The following PIP5K1B variants were observed in gnomAD, a reference collection of about 807,000 sequenced individuals.
PIP5K1B encodes phosphatidylinositol-4-phosphate 5-kinase type 1 beta.
Under a neutral mutation model 67.0 loss-of-function variants are expected in PIP5K1B, and 42 were observed. That is an observed-to-expected ratio of 0.63 (90% CI 0.49 to 0.81). The LOEUF is 0.81. Among genes scored for constraint, PIP5K1B ranks in the 30% least tolerant of loss-of-function variants. PIP5K1B has a pLI of 0.00. For synonymous variants in PIP5K1B, 214 were observed against 231.4 expected, an observed-to-expected ratio of 0.92 and a Z score of 0.68; for missense variants, 459 against 646.3, an observed-to-expected ratio of 0.71 and a Z score of 3.14.
intron 2 of PIP5K1B, among the ~76,000 whole-genome samples, chr9:68,767,927 TAA>T (rs1026280665): frequency 9.2e-5 from 14 of 152,160 alleles, no homozygotes; most frequent in South Asian, 6.2e-4. Flanking sequence ...AATAAAATTA[TAA>T]GTTTATAGTA....
At chr9:68,913,712 G>A (rs532634213) in intron 8 of PIP5K1B, among the ~76,000 whole-genome samples, 70 of 152,068 alleles carry the variant, frequency 4.6e-4, no homozygotes, top group African/African-American at 1.6e-3. Flanking sequence ...CTTTTTTTAA[G>A]CCTTCCACAC....
chr9:68,962,819 A>T (rs75064161), intron 14 of PIP5K1B, among the ~76,000 whole-genome samples: 2,853 of 152,320 alleles, frequency 0.019, 81 homozygotes, highest in African/African-American at 0.065. Context: ...CATAGTTAAC[A>T]GCACAATTGT....
At chr9:68,809,470 T>C (rs1014913102) in intron 2 of PIP5K1B, among the ~76,000 whole-genome samples, 7 of 152,160 alleles carry the variant, frequency 4.6e-5, no homozygotes. Context: ...TTCCACACAT[T>C]TGTTTTTTAT....
At chr9:68,995,214 A>G (rs1397477927) in intron 15 of PIP5K1B, among the ~76,000 whole-genome samples, 23 of 133,136 alleles carry the variant, frequency 1.7e-4, no homozygotes, top group Admixed American at 3.1e-4. Context: ...AGGGAAGGGA[A>G]GGGAGGGGAG....
intron 15 of PIP5K1B, among the ~76,000 whole-genome samples, chr9:69,005,502 AAGT>A (rs1831035166): frequency 6.6e-6 from 1 of 152,092 alleles, no homozygotes; most frequent in Non-Finnish European, 1.5e-5. Context: ...ATACTCCTCC[AAGT>A]AGCTGGGATT....
At chr9:68,893,637 G>GT (rs1205718875) in intron 7 of PIP5K1B, among the ~76,000 whole-genome samples, 6 of 151,866 alleles carry the variant, frequency 4.0e-5, no homozygotes, top group Admixed American at 3.3e-4. Context: ...CAGCCTCCCT[G>GT]TTTTTTTAAA....
intron 4 of PIP5K1B, among the ~76,000 whole-genome samples, chr9:68,833,797 C>T (rs1201701354): frequency 6.6e-6 from 1 of 152,156 alleles, no homozygotes; most frequent in African/African-American, 2.4e-5. Flanking sequence ...CTAATTTGAG[C>T]ACCTGGGTGG....
chr9:68,754,421 A>G (rs965554353), intron 2 of PIP5K1B, among the ~76,000 whole-genome samples: 9 of 150,660 alleles, frequency 6.0e-5, no homozygotes, highest in Admixed American at 4.0e-4. Flanking sequence ...CACCCGCCTC[A>G]GCCTCCCAAA....
intron 14 of PIP5K1B, among the ~76,000 whole-genome samples, chr9:68,959,676 CCT>C (rs1196636632): frequency 3.3e-5 from 5 of 152,162 alleles, no homozygotes; most frequent in African/African-American, 1.2e-4. Flanking sequence ...TTGTAATTTA[CCT>C]TATGTCATAA....
At chr9:68,936,179 T>C (rs1427725226) in intron 13 of PIP5K1B, among the ~76,000 whole-genome samples, 1 of 151,726 alleles carries the variant, frequency 6.6e-6, no homozygotes, top group East Asian at 1.9e-4. Context: ...CTTTTTGTCT[T>C]TTTTTCTTTC....
At chr9:68,829,496 T>G (rs1381495391) in intron 4 of PIP5K1B, among the ~76,000 whole-genome samples, 2 of 152,194 alleles carry the variant, frequency 1.3e-5, no homozygotes, top group African/African-American at 4.8e-5. Context: ...TGTTACAAAG[T>G]GAGGGCTGGC....
intron 11 of PIP5K1B, among the ~76,000 whole-genome samples, chr9:68,920,793 T>TACAC (rs879535374): frequency 0.03 from 3,951 of 132,878 alleles, 213 homozygotes; most frequent in African/African-American, 0.11. Context: ...CTCACACACA[T>TACAC]ACACACACAT....
intron 8 of PIP5K1B, among the ~76,000 whole-genome samples, chr9:68,902,888 A>C (rs1825432690): frequency 6.6e-6 from 1 of 152,232 alleles, no homozygotes; most frequent in Non-Finnish European, 1.5e-5. Flanking sequence ...CTAATAAAGC[A>C]GTTTGGGGAT....
At chr9:68,735,314 G>GTT (rs1335685051) in intron 1 of PIP5K1B, among the ~76,000 whole-genome samples, 1 of 16,580 alleles carries the variant, frequency 6.0e-5, no homozygotes, top group African/African-American at 1.9e-4. Context: ...TTCCCCTAGT[G>GTT]TCTTTTTTTT....
At chr9:68,897,532 G>A (rs541604173) in intron 8 of PIP5K1B, among the ~76,000 whole-genome samples, 126 of 152,334 alleles carry the variant, frequency 8.3e-4, no homozygotes, top group African/African-American at 3.0e-3. Flanking sequence ...AACAATGGGT[G>A]TGAAATAGCA....
chr9:68,879,581 T>C (rs1383495440), intron 6 of PIP5K1B, among the ~76,000 whole-genome samples: 1 of 151,496 alleles, frequency 6.6e-6, no homozygotes, highest in Non-Finnish European at 1.5e-5. Flanking sequence ...AAAATAAAAA[T>C]AAAAATAAAT....
intron 2 of PIP5K1B, among the ~76,000 whole-genome samples, chr9:68,813,986 C>G (rs972916807): frequency 2.6e-5 from 4 of 152,132 alleles, no homozygotes; most frequent in African/African-American, 9.7e-5. Context: ...CTGATAAAAC[C>G]TGTAAAAAGA....
At chr9:68,719,535 A>C (rs1312347028) in intron 1 of PIP5K1B, among the ~76,000 whole-genome samples, 3 of 152,218 alleles carry the variant, frequency 2.0e-5, no homozygotes, top group African/African-American at 7.2e-5. Context: ...GAACAAAAAG[A>C]AGCAACGGTG....
chr9:68,828,157 G>C (rs539184379), intron 4 of PIP5K1B, among the ~76,000 whole-genome samples: 1 of 152,272 alleles, frequency 6.6e-6, no homozygotes, highest in South Asian at 2.1e-4. Context: ...CTTTCTTCTT[G>C]TCTCACCTCT....
Sources: gnomAD v4.1 joint callset for allele counts (sites outside exome capture counted in the v4.1 genomes callset) on GRCh38, gnomAD v4.1.1 for gene constraint, MANE v1.5 for transcripts, NCBI Gene and HGNC (gene_info 2026-07-23, HGNC 2026-07-21) for gene names.